Variants in RNGTT observed in about 807,000 individuals in gnomAD.
RNGTT encodes the protein mRNA-capping enzyme.
Under a neutral mutation model 79.3 loss-of-function variants are expected in RNGTT, and 33 were observed. The ratio of observed to expected loss-of-function variants is 0.42; its 90% confidence interval spans 0.32 to 0.56. The LOEUF (loss-of-function observed/expected upper bound fraction) is 0.56. RNGTT is among the 20% of genes least tolerant of loss of function. RNGTT has a pLI of 0.17. For synonymous variants in RNGTT, 222 were observed against 235.9 expected, an observed-to-expected ratio of 0.94 and a Z score of 0.54; for missense variants, 497 against 739.1, an observed-to-expected ratio of 0.67 and a Z score of 3.80.
chr6:88,932,704 G>A (rs901988669), intron 2 of RNGTT, among the ~76,000 whole-genome samples: 4 of 152,064 alleles, frequency 2.6e-5, no homozygotes, highest in African/African-American at 9.7e-5. Context: ...TTTCTGGATT[G>A]GAACAAAAAC....
At chr6:88,826,000 G>C (rs779169787) in intron 11 of RNGTT, among the ~76,000 whole-genome samples, 3 of 152,144 alleles carry the variant, frequency 2.0e-5, no homozygotes, top group Non-Finnish European at 4.4e-5. Context: ...AATTAGCATA[G>C]AAAATATAGA....
At chr6:88,914,944 T>C (rs1783950274) in intron 4 of RNGTT, among the ~76,000 whole-genome samples, 2 of 151,740 alleles carry the variant, frequency 1.3e-5, no homozygotes, top group South Asian at 4.2e-4. Context: ...AATAAACCCA[T>C]TAAAAAGTGG....
chr6:88,744,908 A>T (rs1777615302), intron 13 of RNGTT, among the ~76,000 whole-genome samples: 1 of 152,228 alleles, frequency 6.6e-6, no homozygotes, highest in Non-Finnish European at 1.5e-5. Flanking sequence ...AAATTCATCA[A>T]ATTATGAATA....
chr6:88,659,870 G>A (rs998488101), intron 14 of RNGTT, among the ~76,000 whole-genome samples: 2 of 152,152 alleles, frequency 1.3e-5, no homozygotes, highest in Non-Finnish European at 2.9e-5. Flanking sequence ...CTAAAGTCAA[G>A]ATAAAGGAAA....
intron 8 of RNGTT, among the ~76,000 whole-genome samples, chr6:88,856,207 A>G (rs902503490): frequency 6.6e-6 from 1 of 152,206 alleles, no homozygotes; most frequent in Non-Finnish European, 1.5e-5. Context: ...ATTTGACAGA[A>G]TTGGTATTCT....
chr6:88,691,154 C>T (rs1328778379), intron 13 of RNGTT, among the ~76,000 whole-genome samples: 2 of 152,076 alleles, frequency 1.3e-5, no homozygotes, highest in Non-Finnish European at 2.9e-5. Flanking sequence ...AATGGATTTC[C>T]CCCTTGCTGT....
chr6:88,614,495 G>T, intron 14 of RNGTT, 100 bp from the exon 15 acceptor site: 1 of 1,122,542 alleles, frequency 8.9e-7, no homozygotes. Context: ...AAATACCTCA[G>T]TAACTCTTCA....
intron 11 of RNGTT, among the ~76,000 whole-genome samples, chr6:88,812,766 T>C (rs1254456624): frequency 6.6e-6 from 1 of 152,244 alleles, no homozygotes; most frequent in East Asian, 1.9e-4. Context: ...ATGAAGCTCA[T>C]GAATTTATGA....
At position 88,928,511 on chromosome 6, in the gene RNGTT, T is replaced by G. The variant is rs558998701; in HGVS notation, c.367+474A>C. On this transcript the variant is annotated intron_variant, in intron 4 of 15. Coordinates refer to ENST00000369485, the MANE Select transcript of RNGTT (RefSeq NM_003800.5). ...TCCACGAGCTGGTGCCTGGTATAGA[T>G]AGAGTAGCAATCAATAAAAATCTGA... Among the ~76,000 whole-genome samples the G allele has an allele frequency of 4.6e-5, 7 of 152,278 alleles. No individual in the cohort carries two copies. In the East Asian group the frequency reaches 1.4e-3, roughly 29 times the overall value.
At chr6:88,674,526 G>A (rs955257287) in intron 14 of RNGTT, among the ~76,000 whole-genome samples, 4 of 152,112 alleles carry the variant, frequency 2.6e-5, no homozygotes, top group African/African-American at 7.2e-5. Flanking sequence ...TCCAGCCTGG[G>A]TAACAGAGTG....
intron 14 of RNGTT, among the ~76,000 whole-genome samples, chr6:88,667,674 C>T (rs1774468368): frequency 6.6e-6 from 1 of 152,218 alleles, no homozygotes; most frequent in African/African-American, 2.4e-5. Context: ...TTGGACTGCC[C>T]TTACGGATTG....
At chr6:88,880,953 C>A (rs932545756) in intron 8 of RNGTT, among the ~76,000 whole-genome samples, 2 of 152,080 alleles carry the variant, frequency 1.3e-5, no homozygotes, top group African/African-American at 4.8e-5. Context: ...AAGCAGATTT[C>A]ACAATTACAA....
intron 13 of RNGTT, among the ~76,000 whole-genome samples, chr6:88,734,112 G>A (rs879907392): frequency 3.9e-5 from 6 of 152,102 alleles, no homozygotes; most frequent in Non-Finnish European, 5.9e-5. Context: ...TAATAACAGT[G>A]ATAATGTATG....
rs755873014 is a variant in RNGTT, at chr6:88,628,222, T to G, written c.1507-13827A>C. Among the ~76,000 whole-genome samples the G allele has an allele frequency of 5.0e-4, 76 of 152,118 alleles. 1 individual carries two copies. Among genetic ancestry groups the G allele is most frequent in the Non-Finnish European group, 9.6e-4 (65 of 68,002 alleles). ...ATTTAAAAAGCCACTCAGAAAATGT[T>G]GAAAATCTGAAAATGATTACAATAA... On this transcript the variant is annotated intron_variant, in intron 14 of 15. Transcript: ENST00000369485.
chr6:88,677,543 T>C (rs1582316928), intron 14 of RNGTT, among the ~76,000 whole-genome samples: 1 of 152,296 alleles, frequency 6.6e-6, no homozygotes, highest in Middle Eastern at 3.4e-3. Flanking sequence ...CATGGCTCAC[T>C]GCAACCTTGA....
chr6:88,904,743 C>A lies in RNGTT; in HGVS notation c.656G>T (p.Gly219Val), dbSNP rs530241066. 3.1e-6 allele frequency: 5 copies of A among 1,613,694 alleles called. No individual in the cohort carries two copies. The highest frequency in any genetic ancestry group is 2.2e-5 in the South Asian group (2 of 91,012). The change falls in exon 6 of 16, where the codon GGC becomes GTC. Residue 219 changes from glycine (G) to valine (V), a missense_variant. Transcript: ENST00000369485. The part of the protein sequence containing the change: ...ESEPGSSASF[G>V]KRRKERLKLG... ...TTTTAACCGTTCTTTTCTCCTTTTG[C>A]CAAAAGAAGCACTTGACCCGGGTTC...
intron 14 of RNGTT, among the ~76,000 whole-genome samples, chr6:88,639,769 T>C (rs1773239170): frequency 6.6e-6 from 1 of 152,214 alleles, no homozygotes; most frequent in Non-Finnish European, 1.5e-5. Flanking sequence ...ACGATACAGA[T>C]GATGAAGACA....
At position 88,902,655 on chromosome 6, in the gene RNGTT, T is replaced by C. The variant is rs1465982787; in HGVS notation, c.684+2060A>G. Among the ~76,000 whole-genome samples the C allele has an allele frequency of 2.0e-5, 3 of 148,856 alleles. No individual in the cohort carries two copies. In the East Asian group the frequency reaches 6.0e-4, roughly 30 times the overall value. On this transcript the variant is annotated intron_variant, in intron 6 of 15. Transcript: ENST00000369485. ...GTCTAAAAAGTGACAAAAGTACTAATATATACCAGCCTTTAAAAAGATGTA... is the reference window on the plus strand; with the variant it reads ...GTCTAAAAAGTGACAAAAGTACTAACATATACCAGCCTTTAAAAAGATGTA...
intron 13 of RNGTT, among the ~76,000 whole-genome samples, chr6:88,700,197 A>G (rs1040102279): frequency 1.3e-5 from 2 of 152,146 alleles, no homozygotes; most frequent in African/African-American, 4.8e-5. Flanking sequence ...AACTTCAAAC[A>G]CACTTCTCTG....
Sources: allele counts gnomAD v4.1 joint callset (sites outside exome capture counted in the v4.1 genomes callset), GRCh38; gene constraint gnomAD v4.1.1; transcripts MANE v1.5; gene names NCBI Gene and HGNC (gene_info 2026-07-23, HGNC 2026-07-21).